GALNT18: variants seen among roughly 807,000 people sequenced by gnomAD.
GALNT18 encodes polypeptide N-acetylgalactosaminyltransferase 18.
A neutral mutation model predicts 69.5 loss-of-function variants in GALNT18; 44 were observed. That is an observed-to-expected ratio of 0.63 (90% CI 0.50 to 0.81). GALNT18 has a LOEUF of 0.81. GALNT18 is among the 40% of genes least tolerant of loss of function. The pLI is 0.00. For missense variants in GALNT18, 715 were observed against 810.0 expected (o/e 0.88, Z 1.42); for synonymous variants, 364 against 318.2 (o/e 1.14, Z -1.53).
At chr11:11,491,191 G>A (rs1386425) in intron 1 of GALNT18, among the ~76,000 whole-genome samples, 123,238 of 152,186 alleles carry the variant, frequency 0.81, 49,979 homozygotes, top group East Asian at 0.86. Context: ...CCCTGGACAT[G>A]CAAGGGCACC....
At chr11:11,276,261 T>G (rs919276121) in intron 10 of GALNT18, among the ~76,000 whole-genome samples, 1 of 152,236 alleles carries the variant, frequency 6.6e-6, no homozygotes, top group Non-Finnish European at 1.5e-5. Context: ...CCTTGTAAGT[T>G]GGATTCCTAG....
intron 1 of GALNT18, among the ~76,000 whole-genome samples, chr11:11,460,261 C>T (rs146759565): frequency 6.6e-6 from 1 of 152,320 alleles, no homozygotes; most frequent in African/African-American, 2.4e-5. Flanking sequence ...CATTACTCTG[C>T]TACCATAGCA....
At chr11:11,529,229 A>T (rs2133939209) in intron 1 of GALNT18, among the ~76,000 whole-genome samples, 1 of 152,314 alleles carries the variant, frequency 6.6e-6, no homozygotes, top group Non-Finnish European at 1.5e-5. Flanking sequence ...GCCAAACATT[A>T]TTCTGGATAT....
At chr11:11,308,109 C>T (rs1383949045) in intron 9 of GALNT18, among the ~76,000 whole-genome samples, 1 of 152,170 alleles carries the variant, frequency 6.6e-6, no homozygotes, top group Non-Finnish European at 1.5e-5. Flanking sequence ...TTAGAGGAAA[C>T]TCCAGTGGAA....
chr11:11,589,635 C>G (rs1361200466), intron 1 of GALNT18, among the ~76,000 whole-genome samples: 1 of 152,042 alleles, frequency 6.6e-6, no homozygotes, highest in Non-Finnish European at 1.5e-5. Context: ...ACAAGACTCA[C>G]AGCCTTGCTG....
intron 1 of GALNT18, among the ~76,000 whole-genome samples, chr11:11,485,675 A>G (rs1856629350): frequency 6.6e-6 from 1 of 152,180 alleles, no homozygotes; most frequent in African/African-American, 2.4e-5. Context: ...CAGGGCACCA[A>G]CTGTATACCA....
Position 11,621,277 on chromosome 11 carries a change from G to A in GALNT18, c.235+82C>T. The A allele has an allele frequency of 8.6e-7, 1 of 1,162,716 alleles. No individual in the cohort carries two copies. Among genetic ancestry groups the A allele is most frequent in the Non-Finnish European group, 1.2e-6 (1 of 800,834 alleles). 72.0% of individuals were successfully genotyped at this position (1,162,716 alleles called of 1,614,324 possible). On this transcript the variant is annotated intron_variant, in intron 1 of 10. Transcript: ENST00000227756. The surrounding 1 kb of genome is among the most constrained non-coding windows in gnomAD (Gnocchi z 9.3). The stretch of plus-strand genomic sequence containing the variant: ...AGAGCCCCGCCGTGGCTGAGTTGAT[G>A]CGCACCAGCCCCAGCGCACCCCGCG...
rs1856874554 is a variant in GALNT18 at position 11,496,831 on chromosome 11, C to T, written c.236-47895G>A. Reference sequence around the variant, plus strand: ...TGGCCTCCCACCTAATCAACCACTTCTACGCCAGTTCCCTCACCCCCTGCC... The same window carrying T: ...TGGCCTCCCACCTAATCAACCACTTTTACGCCAGTTCCCTCACCCCCTGCC... On this transcript the variant is annotated intron_variant, in intron 1 of 10. Coordinates refer to ENST00000227756, the MANE Select transcript of GALNT18 (RefSeq NM_198516.3). This position sits in a 1 kb window ranked among gnomAD's most constrained non-coding sequence, Gnocchi z 4.0. 6.6e-6 allele frequency among the ~76,000 whole-genome samples: 1 copy of T among 152,174 alleles called. No homozygotes were observed. The highest frequency in any genetic ancestry group is 2.1e-4 in the South Asian group (1 of 4,826).
chr11:11,300,232 C>G (rs936171144), intron 9 of GALNT18, among the ~76,000 whole-genome samples: 26 of 152,128 alleles, frequency 1.7e-4, no homozygotes, highest in African/African-American at 6.0e-4. Flanking sequence ...AGTAGGTGCC[C>G]GTGAAAAATG....
chr11:11,276,770 ATGT>A (rs1848958377), intron 10 of GALNT18, among the ~76,000 whole-genome samples: 2 of 152,176 alleles, frequency 1.3e-5, no homozygotes, highest in Non-Finnish European at 2.9e-5. Context: ...TGAAATAATC[ATGT>A]GGTTTTTGTC....
At chr11:11,379,053 T>G in intron 4 of GALNT18, 28 bp downstream of exon 4, 1 of 1,543,488 alleles carries the variant, frequency 6.5e-7, no homozygotes, top group Non-Finnish European at 8.7e-7. Flanking sequence ...CCACTGGGAC[T>G]CCTCCTCCTC....
rs1857051953 is a variant in GALNT18 at position 11,505,470 on chromosome 11, C to A, written c.236-56534G>T. Among the ~76,000 whole-genome samples, 1 of 152,106 alleles carries A rather than the reference C, an allele frequency of 6.6e-6. No individual in the cohort carries two copies. Among genetic ancestry groups the A allele is most frequent in the Non-Finnish European group, 1.5e-5 (1 of 68,020 alleles). On this transcript the variant is annotated intron_variant, in intron 1 of 10. Coordinates refer to ENST00000227756, the MANE Select transcript of GALNT18 (RefSeq NM_198516.3). The surrounding 1 kb of genome is among the most constrained non-coding windows in gnomAD (Gnocchi z 4.6). ...ATCACAGCACTCTCTCCAGTGTCAC[C>A]CAGAAACAACCTGCTCAGCAAAGAG...
intron 3 of GALNT18, among the ~76,000 whole-genome samples, chr11:11,397,799 T>C (rs1158639557): frequency 6.6e-6 from 1 of 152,074 alleles, no homozygotes; most frequent in East Asian, 1.9e-4. Context: ...TAAAAGGGCA[T>C]AGAAAGAAAA....
chr11:11,542,180 G>A lies in GALNT18; in HGVS notation c.235+79179C>T, dbSNP rs1857944809. Among the ~76,000 whole-genome samples the A allele has an allele frequency of 6.6e-6, 1 of 152,158 alleles. No homozygotes were observed. Among genetic ancestry groups the A allele is most frequent in the Non-Finnish European group, 1.5e-5 (1 of 68,030 alleles). On this transcript the variant is annotated intron_variant, in intron 1 of 10. Coordinates refer to ENST00000227756, the MANE Select transcript of GALNT18 (RefSeq NM_198516.3). This position sits in a 1 kb window ranked among gnomAD's most constrained non-coding sequence, Gnocchi z 4.3. Reference sequence around the variant, plus strand: ...TTATTTACTGACCATTAAAGACTTTGCCCAAAGGCTGTGGCTGCGTCTTAG... The same window carrying A: ...TTATTTACTGACCATTAAAGACTTTACCCAAAGGCTGTGGCTGCGTCTTAG...
chr11:11,399,083 TG>T (rs1332098310), intron 3 of GALNT18, among the ~76,000 whole-genome samples: 3 of 152,288 alleles, frequency 2.0e-5, no homozygotes, highest in Non-Finnish European at 2.9e-5. Flanking sequence ...TAATAGAAGG[TG>T]GGACCTTTGA....
At chr11:11,348,374 G>A (rs999214773) in intron 6 of GALNT18, among the ~76,000 whole-genome samples, 6 of 131,416 alleles carry the variant, frequency 4.6e-5, no homozygotes, top group East Asian at 2.2e-4. Context: ...GCAAGACTTC[G>A]TCTCAGGAAA....
chr11:11,377,084 A>C lies in GALNT18; in HGVS notation c.977+98T>G, dbSNP rs1853780143. Reference sequence around the variant, plus strand: ...GACCCTGCCCACCCCTGTCATCCCCACGATGGGGCTCAAGTTGGAGAATAA... The same window carrying C: ...GACCCTGCCCACCCCTGTCATCCCCCCGATGGGGCTCAAGTTGGAGAATAA... On this transcript the variant is annotated intron_variant, in intron 5 of 10. Transcript: ENST00000227756. This position sits in a 1 kb window ranked among gnomAD's most constrained non-coding sequence, Gnocchi z 4.6. The C allele has an allele frequency of 8.4e-7, 1 of 1,191,190 alleles. No homozygotes were observed. The highest frequency in any genetic ancestry group is 1.5e-5 in the African/African-American group (1 of 66,432). 73.8% of individuals were successfully genotyped at this position (1,191,190 alleles called of 1,614,324 possible). A position where few individuals can be genotyped will look rare whatever the true frequency, so the allele number is the denominator to read the frequency against.
chr11:11,299,900 A>G (rs1390011382), intron 9 of GALNT18, among the ~76,000 whole-genome samples: 1 of 152,160 alleles, frequency 6.6e-6, no homozygotes, highest in African/African-American at 2.4e-5. Flanking sequence ...CAATTTATGT[A>G]TTTTTCAATC....
intron 1 of GALNT18, among the ~76,000 whole-genome samples, chr11:11,571,906 G>A (rs1026848751): frequency 2.0e-5 from 3 of 152,140 alleles, no homozygotes; most frequent in Non-Finnish European, 4.4e-5. Flanking sequence ...TCCCTTTCCT[G>A]TCCCTCTGCC....
Sources: allele counts gnomAD v4.1 joint callset (sites outside exome capture counted in the v4.1 genomes callset), GRCh38; gene constraint gnomAD v4.1.1; non-coding constraint Gnocchi (gnomAD v3.1); transcripts MANE v1.5; gene names NCBI Gene and HGNC (gene_info 2026-07-23, HGNC 2026-07-21).